Variants in KAT6A observed in about 807,000 individuals in gnomAD.
KAT6A encodes lysine acetyltransferase 6A.
KAT6A carries 9 observed loss-of-function variants against 198.4 expected under a neutral mutation model. The ratio of observed to expected loss-of-function variants is 0.05; its 90% CI spans 0.03 to 0.08. The LOEUF is 0.08. KAT6A is among the 10% of genes least tolerant of loss of function. The pLI is 1.00. For synonymous variants in KAT6A, 890 were observed against 883.0 expected, an observed-to-expected ratio of 1.01 and a Z score of -0.14; for missense variants, 2,077 against 2,509.9, an observed-to-expected ratio of 0.83 and a Z score of 3.69.
chr8:41,968,432 C>G (rs934338783), intron 8 of KAT6A, among the ~76,000 whole-genome samples: 83 of 152,306 alleles, frequency 5.4e-4, no homozygotes, highest in Non-Finnish European at 7.3e-4. Flanking sequence ...GAGATATCAT[C>G]TCACACCAGT....
At chr8:42,049,714 T>C (rs1802503013) in intron 1 of KAT6A, 1 of 152,208 alleles carries the variant, frequency 6.6e-6, no homozygotes, top group Admixed American at 6.5e-5. Context: ...AATCCTGCAA[T>C]GAAAGTAAAA....
At chr8:42,021,700 G>A (rs1413273850) in intron 2 of KAT6A, among the ~76,000 whole-genome samples, 1 of 152,186 alleles carries the variant, frequency 6.6e-6, no homozygotes, top group Non-Finnish European at 1.5e-5. Context: ...GGAGGCCAAG[G>A]CAGGTAGATT....
intron 2 of KAT6A, among the ~76,000 whole-genome samples, chr8:42,011,966 GAC>G (rs1164323874): frequency 6.7e-6 from 1 of 150,188 alleles, no homozygotes; most frequent in Non-Finnish European, 1.5e-5. Flanking sequence ...TACTTGAAGA[GAC>G]ACTTCACCAA....
intron 2 of KAT6A, among the ~76,000 whole-genome samples, chr8:41,993,254 G>C (rs1342362689): frequency 3.3e-5 from 5 of 152,188 alleles, no homozygotes; most frequent in Non-Finnish European, 5.9e-5. Context: ...TGGATAGACA[G>C]TTTAACCAAA....
intron 10 of KAT6A, among the ~76,000 whole-genome samples, chr8:41,948,928 TCAA>T (rs1466817579): frequency 6.6e-6 from 1 of 151,690 alleles, no homozygotes; most frequent in African/African-American, 2.4e-5. Flanking sequence ...ATCATCATCA[TCAA>T]GATTTACTAT....
chr8:42,011,557 G>A (rs1179458172), intron 2 of KAT6A, among the ~76,000 whole-genome samples: 1 of 152,100 alleles, frequency 6.6e-6, no homozygotes, highest in Non-Finnish European at 1.5e-5. Context: ...GACCAACATG[G>A]AGAAACCCCG....
intron 2 of KAT6A, among the ~76,000 whole-genome samples, chr8:41,998,886 A>G (rs1333071756): frequency 1.3e-5 from 2 of 152,112 alleles, no homozygotes; most frequent in African/African-American, 4.8e-5. Flanking sequence ...AAGACCTATA[A>G]TTTCCATTAC....
chr8:41,934,229 C>G lies in KAT6A; in HGVS notation c.3991G>C (p.Glu1331Gln). ...DGHLESTKKK[E>Q]LEEQPTREDV... is the part of the protein sequence containing the mutation. ...TCCCTCGTGGGCTGTTCCTCTAGCTCCTTTTTCTTTGTGGACTCCAGGTGG... is the reference window on the plus strand; with the variant it reads ...TCCCTCGTGGGCTGTTCCTCTAGCTGCTTTTTCTTTGTGGACTCCAGGTGG... Residue 1331 changes from glutamate (E) to glutamine (Q), a missense_variant, in exon 17 of 17, where the codon GAG becomes CAG. Transcript: ENST00000265713. 6.2e-7 allele frequency: 1 copy of G among 1,614,192 alleles called. No individual in the cohort carries two copies. Among genetic ancestry groups the G allele is most frequent in the Non-Finnish European group, 8.5e-7 (1 of 1,180,046 alleles).
chr8:41,942,560 A>C (rs1479179679), intron 14 of KAT6A: 1 of 517,826 alleles, frequency 1.9e-6, no homozygotes, highest in Non-Finnish European at 3.4e-6. Flanking sequence ...TTTTCTCACA[A>C]GTAACACATT....
At chr8:41,947,274 C>T (rs993843154) in intron 11 of KAT6A, among the ~76,000 whole-genome samples, 10 of 152,174 alleles carry the variant, frequency 6.6e-5, no homozygotes, top group African/African-American at 2.4e-4. Flanking sequence ...TTACCACAGG[C>T]TTGCTTAAAT....
rs749748771 is a variant in KAT6A, at chr8:41,932,514, A to T, written c.5706T>A (p.Asn1902Lys). ...CATTATAGGCGGGAGTAGGCATCAG[A>T]TTAACCCCCATGTTCATGCCACGCT... The part of the protein sequence containing the change: ...AVQRGMNMGV[N>K]LMPTPAYNVN... The change falls in exon 17 of 17, where the codon AAT (asparagine) becomes AAA (lysine). Residue 1902 changes from asparagine to lysine, a missense_variant. By Grantham distance (94) the Asn-to-Lys change is moderately conservative. Coordinates refer to ENST00000265713, the MANE Select transcript of KAT6A (RefSeq NM_006766.5). 5 of 1,614,258 alleles carry T rather than the reference A, an allele frequency of 3.1e-6. No homozygotes were observed. The highest frequency in any genetic ancestry group is 4.2e-6 in the Non-Finnish European group (5 of 1,180,042).
intron 2 of KAT6A, among the ~76,000 whole-genome samples, chr8:42,040,649 C>T (rs562789537): frequency 1.4e-5 from 2 of 145,258 alleles, no homozygotes; most frequent in Non-Finnish European, 3.0e-5. Context: ...GCAGGAGAAT[C>T]GCCTGAACCC....
chr8:42,030,917 G>A (rs1827077589), intron 2 of KAT6A, among the ~76,000 whole-genome samples: 2 of 150,722 alleles, frequency 1.3e-5, no homozygotes, highest in Admixed American at 1.3e-4. Context: ...TGTATATGTG[G>A]TCTACTGTTG....
chr8:41,959,318 T>C (rs1430347939), intron 8 of KAT6A, among the ~76,000 whole-genome samples: 3 of 152,182 alleles, frequency 2.0e-5, no homozygotes, highest in Admixed American at 6.5e-5. Flanking sequence ...CCCATTAGGA[T>C]GGTTATTATT....
Position 41,934,366 on chromosome 8 carries a change from T to C in KAT6A, c.3854A>G (p.Gln1285Arg). 1 of 1,613,958 alleles carries C rather than the reference T, an allele frequency of 6.2e-7. No homozygotes were observed. Among genetic ancestry groups the C allele is most frequent in the Non-Finnish European group, 8.5e-7 (1 of 1,179,914 alleles). Residue 1285 changes from glutamine (Q) to arginine (R), a missense_variant, in exon 17 of 17, where the codon CAG (glutamine) becomes CGG (arginine). By Grantham distance (43) the Gln-to-Arg change is conservative (BLOSUM62 1). This residue lies in a region of KAT6A where 375 missense variants were observed against 383.0 expected (regional missense o/e 0.98). Transcript: ENST00000265713. ...EKPRVSEEQRQSEEEQQELEE... is the reference protein window; with the variant it reads ...EKPRVSEEQRRSEEEQQELEE... ...TAATTCCTGCTGCTCCTCCTCTGAC[T>C]GCCTCTGCTCCTCTGAGACACGGGG...
chr8:42,023,054 T>C (rs1241807631), intron 2 of KAT6A, among the ~76,000 whole-genome samples: 2 of 152,220 alleles, frequency 1.3e-5, no homozygotes, highest in Non-Finnish European at 2.9e-5. Context: ...AGCTCCTAGC[T>C]ACAAACCTGT....
chr8:41,995,061 A>AAAAAT (rs143384432), intron 2 of KAT6A, among the ~76,000 whole-genome samples: 7 of 150,648 alleles, frequency 4.6e-5, no homozygotes, highest in Non-Finnish European at 3.0e-5. Flanking sequence ...CATCTCAAAA[A>AAAAAT]AAAAATAAAA....
Position 41,932,720 on chromosome 8 carries a change from C to T in KAT6A, c.5500G>A (p.Ala1834Thr). The change falls in exon 17 of 17, where the codon GCC becomes ACC. Residue 1834 changes from alanine (A) to threonine (T), a missense_variant. Transcript: ENST00000265713. The stretch of plus-strand genomic sequence containing the variant: ...GTGTGAGGAATGCCAATGTTGGTGG[C>T]AGACATGTTGCACTGAAGCAGAGGA... ...TSPLLQCNMS[A>T]TNIGIPHTQR... 1 of 1,614,224 alleles carries T rather than the reference C, an allele frequency of 6.2e-7. No individual in the cohort carries two copies. Among genetic ancestry groups the T allele is most frequent in the Non-Finnish European group, 8.5e-7 (1 of 1,180,034 alleles).
At chr8:41,968,478 G>A (rs1267729750) in intron 8 of KAT6A, among the ~76,000 whole-genome samples, 1 of 152,124 alleles carries the variant, frequency 6.6e-6, no homozygotes, top group Non-Finnish European at 1.5e-5. Flanking sequence ...GGAAACAACA[G>A]GTGCTGGAGA....
Sources: gnomAD v4.1 joint callset for allele counts (sites outside exome capture counted in the v4.1 genomes callset) on GRCh38, gnomAD v4.1.1 for gene constraint, gnomAD v4.1.1 regional missense constraint, MANE v1.5 for transcripts, NCBI Gene and HGNC (gene_info 2026-07-23, HGNC 2026-07-21) for gene names.